CDK14: variants seen among roughly 807,000 people sequenced by gnomAD.
CDK14 encodes cyclin-dependent kinase 14.
Under a neutral mutation model 60.7 loss-of-function variants are expected in CDK14, and 34 were observed. That is an observed-to-expected ratio of 0.56 (90% CI 0.43 to 0.75). The LOEUF (loss-of-function observed/expected upper bound fraction) is 0.75, where lower values mean the gene tolerates loss of function less well. CDK14 is among the 30% of genes least tolerant of loss of function. The pLI is 0.00. For missense variants in CDK14, 482 were observed against 564.1 expected (o/e 0.85, Z 1.47); for synonymous variants, 197 against 203.7 (o/e 0.97, Z 0.28).
intron 14 of CDK14, among the ~76,000 whole-genome samples, chr7:91,179,319 A>G (rs899036497): frequency 2.3e-5 from 3 of 130,684 alleles, no homozygotes; most frequent in African/African-American, 8.7e-5. Flanking sequence ...TCACATGGAC[A>G]CAGGAAGGGG....
chr7:90,748,740 G>A (rs982274721), intron 4 of CDK14, among the ~76,000 whole-genome samples: 1 of 152,030 alleles, frequency 6.6e-6, no homozygotes, highest in Non-Finnish European at 1.5e-5. Flanking sequence ...ATGCCATCAT[G>A]TCTGGCTATT....
chr7:91,120,926 A>G (rs978958200), intron 14 of CDK14, among the ~76,000 whole-genome samples: 5 of 152,210 alleles, frequency 3.3e-5, no homozygotes, highest in African/African-American at 4.8e-5. Flanking sequence ...AAACAACCCA[A>G]TTTCTCAGAA....
chr7:90,864,539 A>C (rs1002058546), intron 6 of CDK14, among the ~76,000 whole-genome samples: 2 of 152,156 alleles, frequency 1.3e-5, no homozygotes, highest in Non-Finnish European at 2.9e-5. Context: ...TCAAAAATGT[A>C]CTTATTCTGT....
chr7:90,861,188 CA>C (rs1256141746), intron 5 of CDK14, among the ~76,000 whole-genome samples: 1 of 152,030 alleles, frequency 6.6e-6, no homozygotes, highest in Admixed American at 6.6e-5. Flanking sequence ...GACCTTGATC[CA>C]GGAGCAAGAT....
chr7:90,737,353 A>C (rs1486494331), intron 3 of CDK14, among the ~76,000 whole-genome samples: 1 of 152,244 alleles, frequency 6.6e-6, no homozygotes, highest in Non-Finnish European at 1.5e-5. Flanking sequence ...ACCTCTTTTC[A>C]TCACCATAAA....
chr7:90,898,374 A>G (rs1309062342), intron 6 of CDK14, among the ~76,000 whole-genome samples: 4 of 152,108 alleles, frequency 2.6e-5, no homozygotes, highest in Non-Finnish European at 5.9e-5. Context: ...AAGCTTAATA[A>G]CAGAACCTGA....
At chr7:91,033,260 T>C (rs73403374) in intron 10 of CDK14, among the ~76,000 whole-genome samples, 2,408 of 152,178 alleles carry the variant, frequency 0.016, 58 homozygotes, top group African/African-American at 0.055. Context: ...ACTTGCAGAG[T>C]GCCAAGCCAG....
chr7:91,056,267 T>C (rs1280635927), intron 11 of CDK14, among the ~76,000 whole-genome samples: 2 of 152,176 alleles, frequency 1.3e-5, no homozygotes, highest in African/African-American at 2.4e-5. Flanking sequence ...CACACCACTA[T>C]GAGAGATTCG....
intron 4 of CDK14, among the ~76,000 whole-genome samples, chr7:90,789,676 T>C (rs2116963159): frequency 6.6e-6 from 1 of 152,268 alleles, no homozygotes; most frequent in East Asian, 1.9e-4. Context: ...TTACACATCC[T>C]CAGACTTGGT....
intron 2 of CDK14, among the ~76,000 whole-genome samples, chr7:90,672,603 T>A (rs1388302331): frequency 1.5e-5 from 2 of 136,988 alleles, no homozygotes; most frequent in African/African-American, 5.3e-5. Context: ...CACTGCAGCC[T>A]CAAACTCCCG....
chr7:90,981,998 C>T (rs1259039968), intron 9 of CDK14, among the ~76,000 whole-genome samples: 2 of 152,170 alleles, frequency 1.3e-5, no homozygotes, highest in Non-Finnish European at 2.9e-5. Flanking sequence ...TCTCCAGAGT[C>T]CCGGCAGAAG....
At chr7:90,864,209 TGAA>T (rs2117224869) in intron 6 of CDK14, among the ~76,000 whole-genome samples, 3 of 152,288 alleles carry the variant, frequency 2.0e-5, no homozygotes, top group Non-Finnish European at 4.4e-5. Flanking sequence ...AATTGTCTTA[TGAA>T]GAAGCCGTTT....
chr7:91,084,245 G>A (rs964907498), intron 12 of CDK14, among the ~76,000 whole-genome samples: 6 of 152,194 alleles, frequency 3.9e-5, no homozygotes, highest in East Asian at 1.9e-4. Flanking sequence ...TTTTGTTCTC[G>A]CCGCAGCCAT....
intron 5 of CDK14, among the ~76,000 whole-genome samples, chr7:90,826,307 C>T (rs1789720491): frequency 6.6e-6 from 1 of 152,134 alleles, no homozygotes; most frequent in Non-Finnish European, 1.5e-5. Flanking sequence ...CAGCCTCTGC[C>T]TCCCAGGTTC....
chr7:91,192,887 C>T (rs7795691), intron 14 of CDK14, among the ~76,000 whole-genome samples: 8,832 of 152,268 alleles, frequency 0.058, 388 homozygotes, highest in Admixed American at 0.14. Context: ...ACACTGCCAA[C>T]GTATGCTTCT....
At chr7:91,170,772 T>G (rs1167581851) in intron 14 of CDK14, among the ~76,000 whole-genome samples, 1 of 148,290 alleles carries the variant, frequency 6.7e-6, no homozygotes, top group Non-Finnish European at 1.5e-5. Context: ...TTTTTTTCTT[T>G]TTTTTTTTTT....
In CDK14 at chr7:90,811,007, G is replaced by A. The variant is rs561361427; in HGVS notation, c.544+20355G>A. On this transcript the variant is annotated intron_variant, in intron 5 of 14. Coordinates refer to ENST00000380050, the MANE Select transcript of CDK14 (RefSeq NM_001287135.2). ...GAAGAATATTCCCTGCTCATGGATA[G>A]GAAGAATCAATATCGTGAGAATGGC... Among the ~76,000 whole-genome samples, 874 of 152,320 alleles carry A rather than the reference G, an allele frequency of 5.7e-3. 15 individuals carry two copies. Among genetic ancestry groups the A allele is most frequent in the African/African-American group, 0.02 (827 of 41,564 alleles).
chr7:90,967,762 A>G (rs987028920), intron 9 of CDK14, among the ~76,000 whole-genome samples: 1 of 152,224 alleles, frequency 6.6e-6, no homozygotes, highest in African/African-American at 2.4e-5. Context: ...CTTGCTGTTA[A>G]AACCAGCAAA....
intron 6 of CDK14, among the ~76,000 whole-genome samples, chr7:90,885,141 C>T (rs761221907): frequency 6.6e-6 from 1 of 152,100 alleles, no homozygotes; most frequent in East Asian, 1.9e-4. Context: ...TCATCAGAGT[C>T]AACAGGCAAC....
Sources: gnomAD v4.1 joint callset for allele counts (sites outside exome capture counted in the v4.1 genomes callset) on GRCh38, gnomAD v4.1.1 for gene constraint, MANE v1.5 for transcripts, NCBI Gene and HGNC (gene_info 2026-07-23, HGNC 2026-07-21) for gene names.